The following KATNIP variants were observed in gnomAD, a reference collection of about 807,000 sequenced individuals.
KATNIP encodes katanin-interacting protein.
In KATNIP, 126 loss-of-function variants were observed where a neutral mutation model predicts 174.0. The observed-to-expected ratio is 0.72, with a 90% CI of 0.63 to 0.84. The LOEUF (loss-of-function observed/expected upper bound fraction) is 0.84, where lower values mean the gene tolerates loss of function less well. Ranked by LOEUF, KATNIP falls within the 40% of genes least tolerant of loss-of-function variation. The probability of loss-of-function intolerance (pLI) is 0.00; values close to 1 mark genes in which losing one functional copy is unlikely to be tolerated. For synonymous variants in KATNIP, 810 were observed against 835.7 expected (o/e 0.97, Z 0.53); for missense variants, 1,958 against 2,109.7 (o/e 0.93, Z 1.41).
intron 15 of KATNIP, among the ~76,000 whole-genome samples, chr16:27,741,557 C>G (rs1363077558): frequency 6.6e-6 from 1 of 152,120 alleles, no homozygotes; most frequent in African/African-American, 2.4e-5. Flanking sequence ...AGACCATAAG[C>G]CCACCCACAG....
At chr16:27,673,817 A>G (rs944605106) in intron 6 of KATNIP, among the ~76,000 whole-genome samples, 1 of 152,248 alleles carries the variant, frequency 6.6e-6, no homozygotes, top group African/African-American at 2.4e-5. Context: ...GATGCAAGTC[A>G]GAGGAGGTAA....
chr16:27,588,863 T>TTA lies in KATNIP; in HGVS notation c.63+14909_63+14910dup, dbSNP rs1444414762. On this transcript the variant is annotated intron_variant, in intron 2 of 27. Transcript: ENST00000261588. ...TTCATCTTTCTGGAGCTTTTTCTAT[T>TTA]TATGCAACTCTATTCTTTTTTTTTT... is the stretch of plus-strand genomic sequence containing the variant. 3.3e-5 allele frequency among the ~76,000 whole-genome samples: 5 copies of TTA among 150,854 alleles called. No homozygotes were observed. The South Asian group carries it at 1.0e-3, about 31-fold the overall frequency.
chr16:27,578,357 C>T (rs984284657), intron 2 of KATNIP, among the ~76,000 whole-genome samples: 3 of 152,120 alleles, frequency 2.0e-5, no homozygotes, highest in Admixed American at 6.6e-5. Flanking sequence ...AAATAAATAG[C>T]TCTGGCTGTC....
intron 18 of KATNIP, among the ~76,000 whole-genome samples, chr16:27,760,980 A>G (rs2081931676): frequency 6.6e-6 from 1 of 151,122 alleles, no homozygotes; most frequent in African/African-American, 2.5e-5. Flanking sequence ...CTGTGGTTGG[A>G]GAGAGAGGAA....
rs372422702 is a variant in KATNIP, at chr16:27,578,076, G to C, written c.63+4120G>C. On this transcript the variant is annotated intron_variant, in intron 2 of 27. Coordinates refer to ENST00000261588, the MANE Select transcript of KATNIP (RefSeq NM_015202.5). ...ACCAGTTAGGTCAAAATATGTGGGTGTGCAACCTGGGCATCAGAATTTTTT... is the reference window on the plus strand; with the variant it reads ...ACCAGTTAGGTCAAAATATGTGGGTCTGCAACCTGGGCATCAGAATTTTTT... Among the ~76,000 whole-genome samples the C allele has an allele frequency of 7.2e-5, 11 of 152,268 alleles. No individual in the cohort carries two copies. The East Asian group carries it at 1.2e-3, about 16-fold the overall frequency.
At chr16:27,667,991 G>T (rs60653608) in intron 6 of KATNIP, among the ~76,000 whole-genome samples, 23 of 152,250 alleles carry the variant, frequency 1.5e-4, no homozygotes, top group African/African-American at 3.6e-4. Context: ...GTAGAGTTAG[G>T]AGTTTAATGC....
At chr16:27,712,596 C>T (rs1179150208) in intron 13 of KATNIP, among the ~76,000 whole-genome samples, 2 of 152,166 alleles carry the variant, frequency 1.3e-5, no homozygotes, top group African/African-American at 4.8e-5. Context: ...TTGGAGCATT[C>T]AAAAGATGTG....
intron 2 of KATNIP, among the ~76,000 whole-genome samples, chr16:27,577,553 G>C (rs533648030): frequency 6.6e-6 from 1 of 151,488 alleles, no homozygotes; most frequent in Non-Finnish European, 1.5e-5. Context: ...TTAGCCGGAC[G>C]TGGTGGCAGG....
chr16:27,768,913 T>C (rs1223534100), intron 20 of KATNIP, among the ~76,000 whole-genome samples: 2 of 152,248 alleles, frequency 1.3e-5, no homozygotes, highest in African/African-American at 4.8e-5. Flanking sequence ...TGCACCCATG[T>C]TGCTGACCAC....
At chr16:27,580,215 T>C (rs1567456947) in intron 2 of KATNIP, among the ~76,000 whole-genome samples, 1 of 152,162 alleles carries the variant, frequency 6.6e-6, no homozygotes, top group African/African-American at 2.4e-5. Context: ...CAAGTTCAAG[T>C]GATCCTCCCA....
At chr16:27,672,790 A>G (rs2077968502) in intron 6 of KATNIP, among the ~76,000 whole-genome samples, 1 of 152,212 alleles carries the variant, frequency 6.6e-6, no homozygotes, top group African/African-American at 2.4e-5. Context: ...TCAGTCACTC[A>G]GAATGTGGGG....
intron 5 of KATNIP, among the ~76,000 whole-genome samples, chr16:27,639,429 T>A (rs1309642252): frequency 6.6e-6 from 1 of 152,252 alleles, no homozygotes; most frequent in Admixed American, 6.5e-5. Context: ...CTCAGCCTTG[T>A]AATACTTGGG....
rs145872537 is a variant in KATNIP at position 27,677,670 on chromosome 16, A to G, written c.541-59A>G. ...CTTTGGTTCAAATGATCTATTTTCA[A>G]ATAAGTTTTTCTCAAGGTACCATAT... On this transcript the variant is annotated intron_variant, in intron 6 of 27. Transcript: ENST00000261588. 154 of 1,499,570 alleles carry G rather than the reference A, an allele frequency of 1.0e-4. No homozygotes were observed. The East Asian group carries it at 2.9e-3, about 28-fold the overall frequency. The allele number at this position is 1,499,570 out of a possible 1,614,324, so 92.9% of individuals were successfully genotyped here. A position where few individuals can be genotyped will look rare whatever the true frequency, so the allele number is the denominator to read the frequency against.
chr16:27,600,702 C>A (rs1195614112), intron 2 of KATNIP, among the ~76,000 whole-genome samples: 1 of 152,008 alleles, frequency 6.6e-6, no homozygotes, highest in Non-Finnish European at 1.5e-5. Flanking sequence ...CTCCACTCCA[C>A]CCACTGCCCT....
intron 8 of KATNIP, among the ~76,000 whole-genome samples, chr16:27,684,693 T>TG (rs1335267041): frequency 6.6e-6 from 1 of 152,214 alleles, no homozygotes; most frequent in Non-Finnish European, 1.5e-5. Flanking sequence ...CTGAAGGCAC[T>TG]GGGGGGTAGT....
intron 2 of KATNIP, among the ~76,000 whole-genome samples, chr16:27,577,009 G>C (rs2090523920): frequency 6.6e-6 from 1 of 152,124 alleles, no homozygotes; most frequent in Non-Finnish European, 1.5e-5. Context: ...GTACTTCTTT[G>C]AGGGATCTTA....
At chr16:27,754,076 G>T in intron 17 of KATNIP, 97 bp from the exon 18 acceptor site, 1 of 952,274 alleles carries the variant, frequency 1.1e-6, no homozygotes, top group Non-Finnish European at 1.7e-6. Context: ...CTGGGCATAG[G>T]GTGGGCAGTG....
chr16:27,559,835 G>A (rs968815817), intron 1 of KATNIP, among the ~76,000 whole-genome samples: 2 of 151,700 alleles, frequency 1.3e-5, no homozygotes, highest in African/African-American at 2.4e-5. Context: ...ACAGAAATTA[G>A]CCAGGCATGG....
At position 27,778,615 on chromosome 16, in the gene KATNIP, C is replaced by G. The variant is rs150515359; in HGVS notation, c.4843C>G (p.Arg1615Gly). ...CTGCATCAGCGAGAAGGAGACGAGACGACGGCGCTGCTGACTGGTGAAGGA... is the reference window on the plus strand; with the variant it reads ...CTGCATCAGCGAGAAGGAGACGAGAGGACGGCGCTGCTGACTGGTGAAGGA... The part of the protein sequence containing the change: ...KTCISEKETR[R>G]RRC The change falls in exon 28 of 28, where the codon CGA becomes GGA. Residue 1615 changes from arginine to glycine, a missense_variant. By Grantham distance (125) the Arg-to-Gly change is moderately radical. Around this residue, in one of 3 missense-constraint regions of KATNIP, gnomAD observed 383 missense variants for 456.0 expected, o/e 0.84. Transcript: ENST00000261588. The G allele has an allele frequency of 1.9e-6, 3 of 1,613,638 alleles. No homozygotes were observed. In the African/African-American group the frequency reaches 4.0e-5, roughly 22 times the overall value.
Sources: allele counts gnomAD v4.1 joint callset (sites outside exome capture counted in the v4.1 genomes callset), GRCh38; gene constraint gnomAD v4.1.1; regional missense constraint gnomAD v4.1.1; transcripts MANE v1.5; gene names NCBI Gene and HGNC (gene_info 2026-07-23, HGNC 2026-07-21).